TEX264: variants seen among roughly 807,000 people sequenced by gnomAD.
TEX264 encodes testis-expressed protein 264.
In TEX264, 13 loss-of-function variants were observed where a neutral mutation model predicts 23.4. The ratio of observed to expected loss-of-function variants is 0.56; its 90% CI spans 0.36 to 0.88. TEX264 has a LOEUF of 0.88. Ranked by LOEUF, TEX264 falls within the 40% of genes least tolerant of loss-of-function variation. The probability of loss-of-function intolerance (pLI) is 0.01; values close to 1 mark genes in which losing one functional copy is unlikely to be tolerated. For missense variants in TEX264, 340 were observed against 406.8 expected (o/e 0.84, Z 1.41); for synonymous variants, 159 against 170.0 (o/e 0.94, Z 0.50).
intron 3 of TEX264, among the ~76,000 whole-genome samples, chr3:51,687,104 C>T (rs973112876): frequency 2.0e-5 from 3 of 152,214 alleles, no homozygotes; most frequent in Admixed American, 6.5e-5. Context: ...GACAAGGAAG[C>T]CAGTGATATG....
In TEX264 at chr3:51,704,040, G is replaced by C; in HGVS notation, c.*24G>C. On this transcript the variant is annotated 3_prime_UTR_variant, in exon 5 of 5. Transcript: ENST00000341333. ...AACCCATGGCCTGCACCCTCCTGCAGTGCAGTTGCTGAGGAACTGAGCAGA... is the reference window on the plus strand; with the variant it reads ...AACCCATGGCCTGCACCCTCCTGCACTGCAGTTGCTGAGGAACTGAGCAGA... The C allele has an allele frequency of 6.9e-7, 1 of 1,454,954 alleles. No homozygotes were observed. The highest frequency in any genetic ancestry group is 1.4e-5 in the African/African-American group (1 of 70,920). The allele number at this position is 1,454,954 out of a possible 1,614,324, so 90.1% of individuals were successfully genotyped here.
At chr3:51,682,725 C>G (rs1702476418) in intron 2 of TEX264, 1 of 152,216 alleles carries the variant, frequency 6.6e-6, no homozygotes, top group South Asian at 2.1e-4. Flanking sequence ...GCACCGTGGC[C>G]TGCCTCTCTC....
chr3:51,703,502 CTCCCTCCCTCCCTCCT>C lies in TEX264; in HGVS notation c.650-208_650-193del, dbSNP rs1404138825. 1.3e-5 allele frequency among the ~76,000 whole-genome samples: 2 copies of C among 150,760 alleles called. No individual in the cohort carries two copies. The highest frequency in any genetic ancestry group is 1.5e-5 in the Non-Finnish European group (1 of 67,890). ...GCACAGCTGCCTCCTCCCACCCTCT[CTCCCTCCCTCCCTCCT>C]TCCCTCCCTCCCTTCCTCCCAGCTC... On this transcript the variant is annotated intron_variant, in intron 4 of 4. Transcript: ENST00000341333. The surrounding 1 kb of genome is among the most constrained non-coding windows in gnomAD (Gnocchi z 4.8).
At chr3:51,673,149 A>G (rs753427536) in intron 1 of TEX264, among the ~76,000 whole-genome samples, 5 of 152,350 alleles carry the variant, frequency 3.3e-5, no homozygotes, top group East Asian at 3.9e-4. Flanking sequence ...GTATTCCACA[A>G]AGTTGCAGCG....
chr3:51,694,070 C>CCCTTCCGTCCTT (rs1559680743), intron 3 of TEX264, among the ~76,000 whole-genome samples: 6 of 102,548 alleles, frequency 5.9e-5, no homozygotes, highest in Admixed American at 1.0e-4. Flanking sequence ...CCTTCCCTTC[C>CCCTTCCGTCCTT]CCTTCCTTCC....
chr3:51,703,293 G>T lies in TEX264; in HGVS notation c.650-431G>T, dbSNP rs1703383627. 6.6e-6 allele frequency among the ~76,000 whole-genome samples: 1 copy of T among 152,100 alleles called. No individual in the cohort carries two copies. The highest frequency in any genetic ancestry group is 2.4e-5 in the African/African-American group (1 of 41,390). ...GGGTGATGTTCTGTAGCTGGCCCTGGACACATCTCTTTCCAAGCTTGAAGT... is the reference window on the plus strand; with the variant it reads ...GGGTGATGTTCTGTAGCTGGCCCTGTACACATCTCTTTCCAAGCTTGAAGT... On this transcript the variant is annotated intron_variant, in intron 4 of 4. Coordinates refer to ENST00000341333, the MANE Select transcript of TEX264 (RefSeq NM_015926.6). The surrounding 1 kb of genome is among the most constrained non-coding windows in gnomAD (Gnocchi z 4.8).
chr3:51,687,608 A>G (rs1487804188), intron 3 of TEX264, among the ~76,000 whole-genome samples: 5 of 152,208 alleles, frequency 3.3e-5, no homozygotes, highest in Admixed American at 3.3e-4. Flanking sequence ...TTCAAATGGA[A>G]TGACAGCAGC....
At chr3:51,674,927 C>A (rs1026757375) in intron 2 of TEX264, among the ~76,000 whole-genome samples, 2 of 152,200 alleles carry the variant, frequency 1.3e-5, no homozygotes, top group African/African-American at 4.8e-5. Flanking sequence ...TAAGGCCAGG[C>A]CATTCAGATT....
chr3:51,682,396 A>G (rs1702460369), intron 2 of TEX264: 1 of 152,274 alleles, frequency 6.6e-6, no homozygotes, highest in Non-Finnish European at 1.5e-5. Context: ...GAAAGTTTAC[A>G]GCAAAATACT....
chr3:51,684,446 A>G lies in TEX264; in HGVS notation c.292A>G (p.Ser98Gly). Residue 98 changes from serine to glycine, a missense_variant, in exon 3 of 5, where the codon AGC (serine) becomes GGC (glycine). By Grantham distance (56) the Ser-to-Gly change is moderately conservative (BLOSUM62 0). Coordinates refer to ENST00000341333, the MANE Select transcript of TEX264 (RefSeq NM_015926.6). Reference protein sequence around the residue: ...PPDKCRCAVGSILSEGEESPS... With the variant: ...PPDKCRCAVGGILSEGEESPS... ...TGATAAGTGCCGATGTGCCGTGGGC[A>G]GCATCCTGAGTGAAGGTGAGGAATC... The G allele has an allele frequency of 6.2e-7, 1 of 1,614,196 alleles. No individual in the cohort carries two copies. Among genetic ancestry groups the G allele is most frequent in the Non-Finnish European group, 8.5e-7 (1 of 1,180,042 alleles).
At position 51,699,430 on chromosome 3, in the gene TEX264, C is replaced by T. The variant is rs200150485; in HGVS notation, c.505C>T (p.Arg169Trp). ...IKERKLCAYP[R>W]LEIYQEDQIH... is the part of the protein sequence containing the mutation. ...GGAGCGGAAGCTGTGTGCCTATCCTCGGCTGGAGATCTACCAGGAAGACCA... is the reference window on the plus strand; with the variant it reads ...GGAGCGGAAGCTGTGTGCCTATCCTTGGCTGGAGATCTACCAGGAAGACCA... The change falls in exon 4 of 5, where the codon CGG becomes TGG. Residue 169 changes from arginine (R) to tryptophan (W), a missense_variant. Coordinates refer to ENST00000341333, the MANE Select transcript of TEX264 (RefSeq NM_015926.6). The T allele has an allele frequency of 2.9e-5, 46 of 1,613,886 alleles. No homozygotes were observed. In the East Asian group the frequency reaches 6.7e-4, roughly 23 times the overall value.
intron 3 of TEX264, among the ~76,000 whole-genome samples, chr3:51,697,776 G>T (rs1391682534): frequency 6.6e-6 from 1 of 152,220 alleles, no homozygotes; most frequent in Non-Finnish European, 1.5e-5. Context: ...GGAGACCAAG[G>T]CTGGAGTGGG....
chr3:51,699,504 T>C lies in TEX264; in HGVS notation c.579T>C (p.Pro193=). 6.2e-7 allele frequency: 1 copy of C among 1,614,034 alleles called. No individual in the cohort carries two copies. Among genetic ancestry groups the C allele is most frequent in the African/African-American group, 1.3e-5 (1 of 75,040 alleles). ...CACGGCAGGGAGACTTCTATGTGCC[T>C]GAGATGAAGGAGACAGAGTGGAAAT... ...PLARQGDFYV[P]EMKETEWKWR... is the part of the protein sequence containing the mutation. The change falls in exon 4 of 5, where the codon CCT becomes CCC. Residue 193 remains proline (P), a synonymous_variant. Transcript: ENST00000341333.
At position 51,703,411 on chromosome 3, in the gene TEX264, G is replaced by A. The variant is rs1283445800; in HGVS notation, c.650-313G>A. The stretch of plus-strand genomic sequence containing the variant: ...GGCTGAGTGGCCCTTAATAAATGTG[G>A]GGGGAGGGCAGCAGGCTTTGTGGAA... On this transcript the variant is annotated intron_variant, in intron 4 of 4. Coordinates refer to ENST00000341333, the MANE Select transcript of TEX264 (RefSeq NM_015926.6). The surrounding 1 kb of genome is among the most constrained non-coding windows in gnomAD (Gnocchi z 4.8). Among the ~76,000 whole-genome samples, 2 of 152,270 alleles carry A rather than the reference G, an allele frequency of 1.3e-5. No homozygotes were observed. The highest frequency in any genetic ancestry group is 3.9e-4 in the East Asian group (2 of 5,172).
intron 3 of TEX264, among the ~76,000 whole-genome samples, chr3:51,689,767 C>A (rs1354716247): frequency 6.6e-6 from 1 of 152,212 alleles, no homozygotes; most frequent in Non-Finnish European, 1.5e-5. Flanking sequence ...TGTTCTCGAT[C>A]CTGAGGATGC....
chr3:51,678,324 C>G (rs112973015), intron 2 of TEX264, among the ~76,000 whole-genome samples: 1 of 152,160 alleles, frequency 6.6e-6, no homozygotes, highest in Middle Eastern at 3.2e-3. Flanking sequence ...GTGGACAGGC[C>G]CTAGTGGCTG....
chr3:51,672,704 C>T (rs1037033955), intron 1 of TEX264, among the ~76,000 whole-genome samples: 4 of 152,230 alleles, frequency 2.6e-5, no homozygotes, highest in Admixed American at 2.6e-4. Context: ...TTTTGGTCCA[C>T]GTGGCTCTGT....
At chr3:51,675,171 A>G (rs1702187697) in intron 2 of TEX264, among the ~76,000 whole-genome samples, 1 of 152,204 alleles carries the variant, frequency 6.6e-6, no homozygotes, top group Admixed American at 6.5e-5. Context: ...TGAGTTACTT[A>G]GAATGTTCAG....
chr3:51,694,070 CCCTTCCTTCCGT>C (rs1702949217), intron 3 of TEX264, among the ~76,000 whole-genome samples: 1 of 102,450 alleles, frequency 9.8e-6, no homozygotes, highest in Non-Finnish European at 2.0e-5. Context: ...CCTTCCCTTC[CCCTTCCTTCCGT>C]CCGTCCTTCC....
Sources: allele counts gnomAD v4.1 joint callset (sites outside exome capture counted in the v4.1 genomes callset), GRCh38; gene constraint gnomAD v4.1.1; non-coding constraint Gnocchi (gnomAD v3.1); transcripts MANE v1.5; gene names NCBI Gene and HGNC (gene_info 2026-07-23, HGNC 2026-07-21).